THSD4: variants seen among roughly 807,000 people sequenced by gnomAD.
THSD4 encodes thrombospondin type 1 domain containing 4.
Under a neutral mutation model 119.0 loss-of-function variants are expected in THSD4, and 69 were observed. The ratio of observed to expected loss-of-function variants is 0.58; its 90% CI spans 0.48 to 0.71. THSD4 has a LOEUF of 0.71. Ranked by LOEUF, THSD4 falls within the 30% of genes least tolerant of loss-of-function variation. The pLI, the probability that THSD4 is intolerant of heterozygous loss-of-function variation, is 0.00. For synonymous variants in THSD4, 524 were observed against 540.4 expected (o/e 0.97, Z 0.42); for missense variants, 1,393 against 1,391.1 (o/e 1.00, Z -0.02).
intron 8 of THSD4, among the ~76,000 whole-genome samples, chr15:71,693,890 A>G (rs1387951063): frequency 1.3e-5 from 2 of 152,100 alleles, no homozygotes; most frequent in Non-Finnish European, 2.9e-5. Context: ...ATGTGGAACT[A>G]TGAGTCCATT....
chr15:71,295,731 G>C (rs8030887), intron 6 of THSD4, among the ~76,000 whole-genome samples: 2 of 152,120 alleles, frequency 1.3e-5, no homozygotes, highest in African/African-American at 4.8e-5. Context: ...CAATCAATGA[G>C]TTTTAGTAAG....
intron 7 of THSD4, among the ~76,000 whole-genome samples, chr15:71,658,572 A>G (rs2051235971): frequency 6.6e-6 from 1 of 152,216 alleles, no homozygotes; most frequent in African/African-American, 2.4e-5. Context: ...TCTACTATTC[A>G]AAACCCCTGT....
At chr15:71,221,056 G>C (rs941467740) in intron 4 of THSD4, among the ~76,000 whole-genome samples, 14 of 152,180 alleles carry the variant, frequency 9.2e-5, no homozygotes, top group Non-Finnish European at 7.3e-5. Flanking sequence ...TAAAGGGGAA[G>C]GGGCGAGTAG....
At chr15:71,461,912 G>T (rs554011433) in intron 7 of THSD4, among the ~76,000 whole-genome samples, 36 of 151,972 alleles carry the variant, frequency 2.4e-4, no homozygotes, top group Admixed American at 6.6e-4. Context: ...TGCAGGCCAG[G>T]TTCTTTTGTT....
chr15:71,256,810 C>G (rs1419168393), intron 6 of THSD4, 95 bp downstream of exon 6: 2 of 1,173,384 alleles, frequency 1.7e-6, no homozygotes, highest in Admixed American at 4.1e-5. Context: ...TGGTGTGATC[C>G]TGGCTGGGGT....
intron 1 of THSD4, among the ~76,000 whole-genome samples, chr15:71,107,620 G>C (rs1161622870): frequency 2.6e-5 from 4 of 152,118 alleles, no homozygotes; most frequent in Non-Finnish European, 4.4e-5. Flanking sequence ...TAATCTACAC[G>C]CTTGTTCTTG....
At chr15:71,771,936 C>T (rs907662695) in intron 17 of THSD4, among the ~76,000 whole-genome samples, 1 of 152,142 alleles carries the variant, frequency 6.6e-6, no homozygotes, top group African/African-American at 2.4e-5. Flanking sequence ...CCAAAGAAGG[C>T]ACCTCGCACA....
chr15:71,403,568 A>C (rs947336289), intron 6 of THSD4, among the ~76,000 whole-genome samples: 4 of 152,198 alleles, frequency 2.6e-5, no homozygotes, highest in African/African-American at 9.7e-5. Flanking sequence ...GTACTCTTAC[A>C]AGTCTTTGGA....
At chr15:71,373,530 T>A (rs1463787226) in intron 6 of THSD4, among the ~76,000 whole-genome samples, 1 of 152,190 alleles carries the variant, frequency 6.6e-6, no homozygotes, top group East Asian at 1.9e-4. Flanking sequence ...TTGAAACACA[T>A]TGACATACCT....
intron 16 of THSD4, chr15:71,767,588 A>T (rs904319560): frequency 1.3e-5 from 2 of 152,252 alleles, no homozygotes; most frequent in African/African-American, 4.8e-5. Context: ...AGGAGAAAGT[A>T]GATACAGATA....
At chr15:71,349,801 T>A (rs113609453) in intron 6 of THSD4, among the ~76,000 whole-genome samples, 1,597 of 152,196 alleles carry the variant, frequency 0.01, 29 homozygotes, top group African/African-American at 0.037. Context: ...TAGGGGTCCT[T>A]ACTCTTAGAG....
chr15:71,328,155 C>T (rs2045371068), intron 6 of THSD4, among the ~76,000 whole-genome samples: 1 of 152,180 alleles, frequency 6.6e-6, no homozygotes. Context: ...GACTGGGACA[C>T]CGTATTTTCG....
In THSD4 at chr15:71,783,302, C is replaced by G. The variant is rs968450109; in HGVS notation, c.*5928C>G. On this transcript the variant is annotated 3_prime_UTR_variant, in exon 18 of 18. Transcript: ENST00000261862. Reference sequence around the variant, plus strand: ...TGCTTTGTTGACAAGCGTGTGCTTTCTCTGGCCTTATTCGCGTTCTGTTCT... The same window carrying G: ...TGCTTTGTTGACAAGCGTGTGCTTTGTCTGGCCTTATTCGCGTTCTGTTCT... 2 of 152,188 alleles carry G rather than the reference C, an allele frequency of 1.3e-5. No individual in the cohort carries two copies. Among genetic ancestry groups the G allele is most frequent in the African/African-American group, 2.4e-5 (1 of 41,450 alleles). The allele number at this position is 152,188 out of a possible 1,614,324, so 9.4% of individuals were successfully genotyped here.
At chr15:71,143,835 C>T (rs1008077365) in intron 2 of THSD4, among the ~76,000 whole-genome samples, 2 of 151,332 alleles carry the variant, frequency 1.3e-5, no homozygotes, top group Non-Finnish European at 2.9e-5. Context: ...CTCCCAAGTA[C>T]GAATAGCCAT....
intron 7 of THSD4, among the ~76,000 whole-genome samples, chr15:71,562,698 C>CTTTTT (rs34555744): frequency 8.0e-6 from 1 of 125,282 alleles, no homozygotes; most frequent in Non-Finnish European, 1.6e-5. Flanking sequence ...ACCTTTGGTC[C>CTTTTT]TTTTTTTTTT....
At chr15:71,725,844 C>T (rs986197218) in intron 8 of THSD4, among the ~76,000 whole-genome samples, 14 of 151,750 alleles carry the variant, frequency 9.2e-5, no homozygotes, top group Non-Finnish European at 1.8e-4. Flanking sequence ...TGCAATGGTG[C>T]GATCTTGGCT....
intron 3 of THSD4, among the ~76,000 whole-genome samples, chr15:71,159,984 G>A (rs112204871): frequency 0.01 from 1,528 of 152,074 alleles, 27 homozygotes; most frequent in African/African-American, 0.035. Context: ...TTGTGTTATG[G>A]TACATACCTT....
intron 6 of THSD4, among the ~76,000 whole-genome samples, chr15:71,373,225 TTAA>T (rs2046081989): frequency 6.6e-6 from 1 of 152,254 alleles, no homozygotes; most frequent in Non-Finnish European, 1.5e-5. Flanking sequence ...AAAATAATTC[TTAA>T]TAATTTCTAG....
At chr15:71,226,538 C>T (rs1002724173) in intron 4 of THSD4, among the ~76,000 whole-genome samples, 7 of 152,226 alleles carry the variant, frequency 4.6e-5, no homozygotes, top group African/African-American at 1.7e-4. Flanking sequence ...TTTGTTTTTT[C>T]AGCTCCTCCT....
Sources: allele counts gnomAD v4.1 joint callset (sites outside exome capture counted in the v4.1 genomes callset), GRCh38; gene constraint gnomAD v4.1.1; transcripts MANE v1.5; gene names NCBI Gene and HGNC (gene_info 2026-07-23, HGNC 2026-07-21).